The following SMC3 variants were observed in gnomAD, a reference collection of about 807,000 sequenced individuals.
SMC3 encodes structural maintenance of chromosomes protein 3.
A neutral mutation model predicts 171.8 loss-of-function variants in SMC3; 20 were observed. The ratio of observed to expected loss-of-function variants is 0.12; its 90% confidence interval spans 0.08 to 0.17. The LOEUF is 0.17. SMC3 is among the 10% of genes least tolerant of loss of function. The pLI is 1.00. For missense variants in SMC3, 543 were observed against 1,420.4 expected, an observed-to-expected ratio of 0.38 and a Z score of 9.93; for synonymous variants, 464 against 451.1, an observed-to-expected ratio of 1.03 and a Z score of -0.36.
intron 8 of SMC3, 145 bp from the exon 9 acceptor site, chr10:110,581,778 T>C (rs1001109823): frequency 1.2e-6 from 1 of 833,576 alleles, no homozygotes; most frequent in African/African-American, 1.7e-5. Context: ...ATTGCTATTT[T>C]AGTATTTTAA....
At position 110,605,246 on chromosome 10, in the gene SMC3, A is replaced by G. The variant is rs61861701; in HGVS notation, c.*944A>G. On this transcript the variant is annotated 3_prime_UTR_variant, in exon 29 of 29. Transcript: ENST00000361804. ...TTACATTTTTTTCCCTTTCCATACTACTCTTTTCTTTGAAAGTAGGTCTTT... is the reference window on the plus strand; with the variant it reads ...TTACATTTTTTTCCCTTTCCATACTGCTCTTTTCTTTGAAAGTAGGTCTTT... Among the ~76,000 whole-genome samples, 20,673 of 151,442 alleles carry G rather than the reference A, an allele frequency of 0.14. 1,951 individuals carry two copies. Among genetic ancestry groups the G allele is most frequent in the Non-Finnish European group, 0.21 (13,967 of 67,850 alleles).
In SMC3 at chr10:110,577,489, A is replaced by G; in HGVS notation, c.267A>G (p.Leu89=). The part of the protein sequence containing the change: ...EIIFDNSDNR[L]PIDKEEVSLR... ...TTTTTGATAATTCAGACAACCGGTT[A>G]CCAGTAAGTAACTTTTTTTTTAAAG... The change falls in exon 5 of 29, where the codon TTA becomes TTG. Residue 89 remains leucine (L), a synonymous_variant. Coordinates refer to ENST00000361804, the MANE Select transcript of SMC3 (RefSeq NM_005445.4). 1.9e-6 allele frequency: 3 copies of G among 1,605,526 alleles called. No individual in the cohort carries two copies. The highest frequency in any genetic ancestry group is 2.6e-6 in the Non-Finnish European group (3 of 1,172,620).
rs749416295 is a variant in SMC3 at position 110,567,805 on chromosome 10, G to T, written c.-12G>T. 1 of 1,613,508 alleles carries T rather than the reference G, an allele frequency of 6.2e-7. No homozygotes were observed. The highest frequency in any genetic ancestry group is 2.2e-5 in the East Asian group (1 of 44,858). ...CGGGGCAGGTCTCCTTCCAGGCCAG[G>T]GGCCCGGAATCATGTACATAAAGCA... On this transcript the variant is annotated 5_prime_UTR_variant, in exon 1 of 29. Coordinates refer to ENST00000361804, the MANE Select transcript of SMC3 (RefSeq NM_005445.4).
chr10:110,596,686 C>A, intron 19 of SMC3, 136 bp downstream of exon 19: 2 of 775,456 alleles, frequency 2.6e-6, no homozygotes, highest in Non-Finnish European at 4.0e-6. Context: ...GTTTGTTTAG[C>A]TTTTGAAGAC....
intron 8 of SMC3, among the ~76,000 whole-genome samples, chr10:110,581,369 C>T (rs1861027542): frequency 6.6e-6 from 1 of 151,986 alleles, no homozygotes; most frequent in Non-Finnish European, 1.5e-5. Context: ...CAGGTGCCCA[C>T]CACCATACTC....
At chr10:110,589,469 G>A (rs1224436283) in intron 13 of SMC3, 136 bp from the exon 14 acceptor site, 2 of 647,138 alleles carry the variant, frequency 3.1e-6, no homozygotes, top group South Asian at 1.9e-5. Flanking sequence ...ACCCAAAAGC[G>A]TTTTCCATAC....
rs538254724 is a variant in SMC3, at chr10:110,593,619, A to C, written c.1963+396A>C. ...CTGTATAATATGTCAGTTGAGCTGT[A>C]TGCATGTCTGATTAATATATCTTAC... On this transcript the variant is annotated intron_variant, in intron 18 of 28. Transcript: ENST00000361804. 2.7e-3 allele frequency among the ~76,000 whole-genome samples: 418 copies of C among 152,210 alleles called. 1 individual carries two copies. The highest frequency in any genetic ancestry group is 3.3e-3 in the Non-Finnish European group (226 of 68,024).
At chr10:110,591,541 A>G (rs980404001) in intron 17 of SMC3, among the ~76,000 whole-genome samples, 18 of 152,244 alleles carry the variant, frequency 1.2e-4, no homozygotes, top group African/African-American at 4.3e-4. Flanking sequence ...TGTATAGTTT[A>G]AAAGTGTCTT....
chr10:110,568,792 A>G (rs1394034928), intron 1 of SMC3, 146 bp from the exon 2 acceptor site: 4 of 619,002 alleles, frequency 6.5e-6, no homozygotes, highest in Non-Finnish European at 8.5e-6. Flanking sequence ...GCAGATTTTT[A>G]ATCACCACTT....
chr10:110,590,078 G>A, intron 15 of SMC3, 87 bp downstream of exon 15: 3 of 1,135,178 alleles, frequency 2.6e-6, no homozygotes, highest in African/African-American at 1.5e-5. Flanking sequence ...CAAGGTGTAG[G>A]TCATGGGTTC....
At chr10:110,587,486 C>T (rs1323777349) in intron 13 of SMC3, among the ~76,000 whole-genome samples, 1 of 152,072 alleles carries the variant, frequency 6.6e-6, no homozygotes, top group African/African-American at 2.4e-5. Context: ...TCGAGACCAT[C>T]CATCCTGGCT....
Position 110,601,907 on chromosome 10 carries a change from T to C in SMC3, c.2892+23T>C, listed in dbSNP as rs61861700. ...CAGGTTGGTTTTAAATTTGAAGTCT[T>C]GTTACAAATTGCTCAGTATATAAAT... On this transcript the variant is annotated intron_variant, in intron 24 of 28. Coordinates refer to ENST00000361804, the MANE Select transcript of SMC3 (RefSeq NM_005445.4). 19,155 of 1,613,142 alleles carry C rather than the reference T, an allele frequency of 0.012. 160 individuals are homozygous for C. The highest frequency in any genetic ancestry group is 0.014 in the Non-Finnish European group (16,424 of 1,179,230).
chr10:110,580,348 C>A (rs1039462669), intron 7 of SMC3, among the ~76,000 whole-genome samples: 3 of 152,008 alleles, frequency 2.0e-5, no homozygotes, highest in African/African-American at 7.2e-5. Flanking sequence ...TATAAAAATA[C>A]TTTGTTTTTT....
chr10:110,581,571 A>G (rs896728063), intron 8 of SMC3, among the ~76,000 whole-genome samples: 2 of 152,192 alleles, frequency 1.3e-5, no homozygotes, highest in East Asian at 1.9e-4. Context: ...TACATGTTAT[A>G]AAAGAACCAG....
At chr10:110,574,375 CAA>C (rs1356109462) in intron 3 of SMC3, among the ~76,000 whole-genome samples, 1 of 152,108 alleles carries the variant, frequency 6.6e-6, no homozygotes, top group African/African-American at 2.4e-5. Context: ...AACATTTTAA[CAA>C]AATTAGACAG....
chr10:110,588,191 G>C (rs113097360), intron 13 of SMC3, among the ~76,000 whole-genome samples: 9,015 of 152,108 alleles, frequency 0.059, 354 homozygotes, highest in African/African-American at 0.11. Flanking sequence ...GGGGTTTCAC[G>C]ATGTTGCCCA....
Position 110,567,754 on chromosome 10 carries a change from A to G in SMC3, c.-63A>G, listed in dbSNP as rs1352331527. 1.2e-6 allele frequency: 2 copies of G among 1,605,484 alleles called. No homozygotes were observed. Among genetic ancestry groups the G allele is most frequent in the Non-Finnish European group, 1.7e-6 (2 of 1,173,162 alleles). The stretch of plus-strand genomic sequence containing the variant: ...AGGGGTCGCGTAGGCGCCTCACCTG[A>G]CCCTGCGGCCGTGCGGTTGCTGCTC... On this transcript the variant is annotated 5_prime_UTR_variant, in exon 1 of 29. Coordinates refer to ENST00000361804, the MANE Select transcript of SMC3 (RefSeq NM_005445.4).
In SMC3 at chr10:110,593,059, A is replaced by AAT; in HGVS notation, c.1813-13_1813-12dup. 6.2e-7 allele frequency: 1 copy of AAT among 1,611,022 alleles called. No homozygotes were observed. The highest frequency in any genetic ancestry group is 8.5e-7 in the Non-Finnish European group (1 of 1,177,234). Reference sequence around the variant, plus strand: ...TGTGTTGTGATCTCTCTGTTGACAAAATTTCATTTTTAGGATGCTATTCCT... The same window carrying AAT: ...TGTGTTGTGATCTCTCTGTTGACAAAATATTTCATTTTTAGGATGCTATTCCT... On this transcript the variant is annotated splice_polypyrimidine_tract_variant and intron_variant, in intron 17 of 28. Transcript: ENST00000361804.
chr10:110,571,550 G>C (rs1345626449), intron 2 of SMC3, among the ~76,000 whole-genome samples: 1 of 152,178 alleles, frequency 6.6e-6, no homozygotes, highest in Non-Finnish European at 1.5e-5. Context: ...CTAACACCCG[G>C]AAGTAGTCAG....
Sources: allele counts gnomAD v4.1 joint callset (sites outside exome capture counted in the v4.1 genomes callset), GRCh38; gene constraint gnomAD v4.1.1; transcripts MANE v1.5; gene names NCBI Gene and HGNC (gene_info 2026-07-23, HGNC 2026-07-21).